The following PHEX variants were observed in gnomAD, a reference collection of about 807,000 sequenced individuals.
The protein encoded by PHEX is phosphate-regulating neutral endopeptidase PHEX.
In PHEX, 16 loss-of-function variants were observed where a neutral mutation model predicts 68.0. That is an observed-to-expected ratio of 0.24 (90% confidence interval 0.16 to 0.36). The LOEUF (loss-of-function observed/expected upper bound fraction) is 0.36. Among genes scored for constraint, PHEX ranks in the 10% least tolerant of loss-of-function variants. The pLI is 1.00. For synonymous variants in PHEX, 208 were observed against 205.1 expected (o/e 1.01, Z -0.12); for missense variants, 480 against 575.5 (o/e 0.83, Z 1.70).
At chrX:22,054,140 T>C (rs899635556) in intron 3 of PHEX, among the ~76,000 whole-genome samples, 1 of 111,747 alleles carries the variant, frequency 8.9e-6, no homozygotes, top group Non-Finnish European at 1.9e-5. Flanking sequence ...AATTATTTTA[T>C]TATTATTTTT....
At chrX:22,238,042 C>T (rs771258543) in intron 20 of PHEX, among the ~76,000 whole-genome samples, 14 of 111,934 alleles carry the variant, frequency 1.3e-4, no homozygotes, top group East Asian at 2.8e-4. Flanking sequence ...TTTGGGAGGC[C>T]GAGGCGGGTG....
intron 3 of PHEX, among the ~76,000 whole-genome samples, chrX:22,060,686 T>G: frequency 9.0e-6 from 1 of 111,713 alleles, no homozygotes; most frequent in Non-Finnish European, 1.9e-5. Context: ...TTGAATGTTG[T>G]AGGAGGAAAG....
chrX:22,083,884 G>A (rs1430902451), intron 5 of PHEX, among the ~76,000 whole-genome samples: 2 of 111,858 alleles, frequency 1.8e-5, no homozygotes, highest in Non-Finnish European at 3.8e-5. Flanking sequence ...AATAAAAGAG[G>A]ACAAAACAGG....
At chrX:22,104,040 C>T (rs1330095185) in intron 9 of PHEX, among the ~76,000 whole-genome samples, 2 of 111,828 alleles carry the variant, frequency 1.8e-5, no homozygotes, top group East Asian at 2.8e-4. Flanking sequence ...TTGGCACTTC[C>T]CTGATAATTA....
chrX:22,141,972 T>C (rs1032976264), intron 12 of PHEX, among the ~76,000 whole-genome samples: 2 of 112,282 alleles, frequency 1.8e-5, no homozygotes, highest in African/African-American at 6.5e-5. Flanking sequence ...CACTGTTGGC[T>C]GGGCACAGTG....
chrX:22,094,061 A>G lies in PHEX; in HGVS notation c.811A>G (p.Met271Val). 4.2e-6 allele frequency: 5 copies of G among 1,192,268 alleles called. No individual in the cohort carries two copies. The highest frequency in any genetic ancestry group is 4.6e-6 in the Non-Finnish European group (4 of 878,462). The change falls in exon 7 of 22, where the codon ATG becomes GTG. Residue 271 changes from methionine to valine, a missense_variant. Met to Val is a conservative substitution (Grantham distance 21). Coordinates refer to ENST00000379374, the MANE Select transcript of PHEX (RefSeq NM_000444.6). ...GANSSRAEHD[M>V]KSVLRLEIKI... is the part of the protein sequence containing the mutation. ...TAACAGTTCCAGAGCAGAGCATGAC[A>G]TGAAGTCAGTGCTCAGATTGGAAAT...
chrX:22,156,753 A>C (rs2147107712), intron 12 of PHEX, among the ~76,000 whole-genome samples: 1 of 111,744 alleles, frequency 8.9e-6, no homozygotes, highest in South Asian at 3.8e-4. Context: ...GACTAGGTCT[A>C]GCAGCTGTTC....
intron 15 of PHEX, among the ~76,000 whole-genome samples, chrX:22,203,023 C>T (rs757720101): frequency 3.6e-5 from 4 of 110,713 alleles, no homozygotes; most frequent in South Asian, 3.8e-4. Context: ...GATTGAGGAC[C>T]GCTGAGCTAT....
At position 22,081,737 on chromosome X, in the gene PHEX, G is replaced by T. The variant is rs759804402; in HGVS notation, c.663+4035G>T. Among the ~76,000 whole-genome samples the T allele has an allele frequency of 1.2e-4, 13 of 111,991 alleles. 1 individual carries two copies. The highest frequency in any genetic ancestry group is 4.2e-4 in the African/African-American group (13 of 30,822). ...AGCTCCCCTGTGGCAAAATGATACA[G>T]GGTTTGCTACAGGCTTAAATGAGGT... On this transcript the variant is annotated intron_variant, in intron 5 of 21. Coordinates refer to ENST00000379374, the MANE Select transcript of PHEX (RefSeq NM_000444.6).
chrX:22,234,147 G>A (rs912271196), intron 20 of PHEX, among the ~76,000 whole-genome samples: 6 of 113,008 alleles, frequency 5.3e-5, no homozygotes, highest in African/African-American at 1.9e-4. Flanking sequence ...ATTGCTGCCT[G>A]TTCTTCCCTC....
chrX:22,244,839 C>T (rs960948834), intron 20 of PHEX, among the ~76,000 whole-genome samples: 2 of 111,632 alleles, frequency 1.8e-5, no homozygotes, highest in African/African-American at 3.3e-5. Context: ...CAAGCCATAT[C>T]GCCATGCCCA....
At chrX:22,042,035 T>C (rs1927313675) in intron 2 of PHEX, among the ~76,000 whole-genome samples, 1 of 111,583 alleles carries the variant, frequency 9.0e-6, no homozygotes, top group African/African-American at 3.3e-5. Context: ...AACGTGAGCC[T>C]CAGTGTGCCC....
At position 22,168,314 on chromosome X, in the gene PHEX, G is replaced by A. The variant is rs1454031227; in HGVS notation, c.1407G>A (p.Ala469=). Residue 469 remains alanine, a splice_region_variant and synonymous_variant, in exon 13 of 22, where the codon GCG becomes GCA. Transcript: ENST00000379374. ...ATTTTTCTTTTTCCTTTTTGTAGGC[G>A]AGAGCTGTTTTGGCAAAAGTTGGCT... ...AGTKRKAKEK[A]RAVLAKVGYP... 5.1e-6 allele frequency: 6 copies of A among 1,181,510 alleles called. No individual in the cohort carries two copies. The African/African-American group carries it at 8.8e-5, about 17-fold the overall frequency.
chrX:22,067,636 G>A (rs905599731), intron 3 of PHEX, among the ~76,000 whole-genome samples: 1 of 111,077 alleles, frequency 9.0e-6, no homozygotes, highest in African/African-American at 3.3e-5. Flanking sequence ...TCCAGGGATT[G>A]CAGGCATCAA....
At chrX:22,221,157 C>T (rs1935256470) in intron 17 of PHEX, among the ~76,000 whole-genome samples, 1 of 111,584 alleles carries the variant, frequency 9.0e-6, no homozygotes, top group East Asian at 2.8e-4. Flanking sequence ...TCCTATAGGG[C>T]TGAGTCAGGG....
At chrX:22,045,370 C>A (rs1231403174) in intron 2 of PHEX, among the ~76,000 whole-genome samples, 1 of 111,287 alleles carries the variant, frequency 9.0e-6, no homozygotes, top group African/African-American at 3.3e-5. Flanking sequence ...AGAATGTCAT[C>A]TTTTCAATGT....
chrX:22,149,339 A>G (rs1932794228), intron 12 of PHEX, among the ~76,000 whole-genome samples: 1 of 112,550 alleles, frequency 8.9e-6, no homozygotes, highest in East Asian at 2.8e-4. Flanking sequence ...GACAACAGTG[A>G]GATTGTGTCC....
intron 20 of PHEX, among the ~76,000 whole-genome samples, chrX:22,233,924 G>A (rs1271098856): frequency 8.9e-6 from 1 of 112,248 alleles, no homozygotes; most frequent in Non-Finnish European, 1.9e-5. Flanking sequence ...GCCTCTTTGT[G>A]CTGGTTTCTC....
chrX:22,250,417 G>C lies in PHEX; in HGVS notation c.*2464G>C, dbSNP rs1936535983. On this transcript the variant is annotated 3_prime_UTR_variant, in exon 22 of 22. Coordinates refer to ENST00000379374, the MANE Select transcript of PHEX (RefSeq NM_000444.6). The stretch of plus-strand genomic sequence containing the variant: ...TGCTAAGCACGTTCAATGGAGGAGA[G>C]CCATGAAGTTTTACAAAAATAATTA... 9.0e-6 allele frequency: 1 copy of C among 111,719 alleles called. No homozygotes were observed. Among genetic ancestry groups the C allele is most frequent in the African/African-American group, 3.3e-5 (1 of 30,724 alleles). The allele number at this position is 111,719 out of a possible 1,213,427, so 9.2% of individuals were successfully genotyped here. A position where few individuals can be genotyped will look rare whatever the true frequency, so the allele number is the denominator to read the frequency against.
Sources: gnomAD v4.1 joint callset for allele counts (sites outside exome capture counted in the v4.1 genomes callset) on GRCh38, gnomAD v4.1.1 for gene constraint, MANE v1.5 for transcripts, NCBI Gene and HGNC (gene_info 2026-07-23, HGNC 2026-07-21) for gene names.